The following TEX9 variants were observed in gnomAD, a reference collection of about 807,000 sequenced individuals.
The protein encoded by TEX9 is testis-expressed protein 9.
A neutral mutation model predicts 59.6 loss-of-function variants in TEX9; 74 were observed. That is an observed-to-expected ratio of 1.24 (90% confidence interval 1.03 to 1.51). The LOEUF is 1.51. TEX9 is among the 40% of genes most tolerant of loss of function. The pLI is 0.00. For missense variants in TEX9, 522 were observed against 447.8 expected, an observed-to-expected ratio of 1.17 and a Z score of -1.49; for synonymous variants, 186 against 152.2, an observed-to-expected ratio of 1.22 and a Z score of -1.64.
At chr15:56,311,625 G>C (rs1399799966) in intron 1 of TEX9, among the ~76,000 whole-genome samples, 2 of 148,696 alleles carry the variant, frequency 1.3e-5, no homozygotes, top group East Asian at 3.9e-4. Context: ...TGTCTTTATA[G>C]CAGCATGATT....
chr15:56,320,406 G>C (rs879591742), intron 1 of TEX9, among the ~76,000 whole-genome samples: 1 of 152,182 alleles, frequency 6.6e-6, no homozygotes, highest in Non-Finnish European at 1.5e-5. Context: ...TCTGGTAAGG[G>C]CTCTCTTCCT....
intron 2 of TEX9, among the ~76,000 whole-genome samples, chr15:56,371,496 C>G (rs1368540829): frequency 6.6e-6 from 1 of 151,494 alleles, no homozygotes; most frequent in Non-Finnish European, 1.5e-5. Context: ...ATTTTAAAAT[C>G]TTTTTTTAAT....
intron 1 of TEX9, among the ~76,000 whole-genome samples, chr15:56,285,989 G>A (rs796097600): frequency 1.9e-4 from 29 of 152,212 alleles, no homozygotes; most frequent in African/African-American, 6.3e-4. Context: ...TGCAAGATAG[G>A]CCATTGGATT....
intron 1 of TEX9, among the ~76,000 whole-genome samples, chr15:56,277,957 C>T (rs543344108): frequency 1.3e-5 from 2 of 152,032 alleles, no homozygotes; most frequent in Non-Finnish European, 2.9e-5. Flanking sequence ...AACACTATTT[C>T]GTTTTTTTTT....
exon 11 of TEX9, chr15:56,427,676 A>C (rs2140291274): frequency 6.5e-7 from 1 of 1,542,764 alleles, no homozygotes; most frequent in East Asian, 2.4e-5. Context: ...AAAAACAAAA[A>C]GGAGAATTAA....
At chr15:56,404,786 G>A (rs1370724791) in intron 9 of TEX9, among the ~76,000 whole-genome samples, 4 of 152,092 alleles carry the variant, frequency 2.6e-5, no homozygotes, top group East Asian at 1.9e-4. Context: ...TATATACCAC[G>A]GAATACTCTG....
intron 1 of TEX9, among the ~76,000 whole-genome samples, chr15:56,308,533 C>G (rs1404181429): frequency 2.6e-5 from 4 of 151,970 alleles, no homozygotes; most frequent in Non-Finnish European, 4.4e-5. Context: ...TGATGATGTC[C>G]TTTGAAACAC....
rs747435082 is a variant in TEX9 at position 56,365,478 on chromosome 15, G to A, written c.27+1G>A. ...GGCGGGGCGAAGTCTGTGTCTCACG[G>A]TCAGTTCAACTCCAGGCTCCTGGGG... On this transcript the variant is annotated splice_donor_variant, in intron 1 of 12. Coordinates refer to ENST00000352903, the Ensembl canonical transcript of TEX9. LOFTEE classifies it high-confidence loss of function. 1 of 1,614,014 alleles carries A rather than the reference G, an allele frequency of 6.2e-7. No homozygotes were observed. Among genetic ancestry groups the A allele is most frequent in the East Asian group, 2.2e-5 (1 of 44,882 alleles).
intron 1 of TEX9, among the ~76,000 whole-genome samples, chr15:56,281,428 C>T (rs1238537294): frequency 6.6e-6 from 1 of 152,216 alleles, no homozygotes; most frequent in Admixed American, 6.5e-5. Flanking sequence ...ATTAGATTCT[C>T]AAAGGAGCCC....
At chr15:56,365,601 C>A in exon 2 of TEX9, 1 of 1,614,184 alleles carries the variant, frequency 6.2e-7, no homozygotes, top group Non-Finnish European at 8.5e-7. Context: ...CCAGGGACTC[C>A]GTTCCCGCCA....
Position 56,419,207 on chromosome 15 carries a change from G to A in TEX9, c.963+6771G>A, listed in dbSNP as rs372186545. Among the ~76,000 whole-genome samples the A allele has an allele frequency of 1.1e-4, 16 of 151,676 alleles. No homozygotes were observed. In the East Asian group the frequency reaches 3.1e-3, roughly 29 times the overall value. On this transcript the variant is annotated intron_variant, in intron 10 of 12. Transcript: ENST00000352903. ...GTTTCCCATTGTTTGTTGCTATAAT[G>A]GAGAAATACAATTTATGTTTGCATA...
intron 12 of TEX9, chr15:56,434,239 C>G (rs1481404562): frequency 1.2e-6 from 2 of 1,613,836 alleles, no homozygotes. Context: ...TTCATTAATT[C>G]TATTCGATCA....
At chr15:56,372,315 C>T (rs2047225442) in intron 2 of TEX9, among the ~76,000 whole-genome samples, 1 of 151,988 alleles carries the variant, frequency 6.6e-6, no homozygotes, top group African/African-American at 2.4e-5. Context: ...TACTAATCTC[C>T]CCCCCTTTTT....
chr15:56,253,541 A>C (rs1457860184), intron 1 of TEX9, among the ~76,000 whole-genome samples: 3 of 152,138 alleles, frequency 2.0e-5, no homozygotes, highest in African/African-American at 7.2e-5. Flanking sequence ...AGGGACTCAA[A>C]ACCCCAAATA....
intron 1 of TEX9, among the ~76,000 whole-genome samples, chr15:56,268,042 C>T (rs1006412618): frequency 5.3e-5 from 8 of 152,130 alleles, no homozygotes; most frequent in Admixed American, 5.2e-4. Flanking sequence ...TCCTTCACAT[C>T]CCTTGTAAGT....
intron 1 of TEX9, among the ~76,000 whole-genome samples, chr15:56,300,163 A>G (rs1309682808): frequency 9.2e-5 from 14 of 152,010 alleles, no homozygotes; most frequent in Non-Finnish European, 1.5e-5. Flanking sequence ...GAGATCTAGG[A>G]CTGGCAGCAT....
intron 12 of TEX9, among the ~76,000 whole-genome samples, chr15:56,443,175 G>T (rs755856898): frequency 6.6e-6 from 1 of 152,106 alleles, no homozygotes; most frequent in Non-Finnish European, 1.5e-5. Flanking sequence ...TGCTTTTAAA[G>T]TATGTATCTT....
chr15:56,279,897 T>G (rs2044774208), intron 1 of TEX9, among the ~76,000 whole-genome samples: 1 of 152,204 alleles, frequency 6.6e-6, no homozygotes, highest in Non-Finnish European at 1.5e-5. Context: ...ACTTACAAGT[T>G]TTCAACTGTA....
chr15:56,260,136 G>A (rs1043202824), intron 1 of TEX9, among the ~76,000 whole-genome samples: 2 of 151,968 alleles, frequency 1.3e-5, no homozygotes, highest in African/African-American at 2.4e-5. Flanking sequence ...TTCTAATTGT[G>A]TATATATTAT....
Sources: allele counts gnomAD v4.1 joint callset (sites outside exome capture counted in the v4.1 genomes callset), GRCh38; gene constraint gnomAD v4.1.1; transcripts MANE v1.5; gene names NCBI Gene and HGNC (gene_info 2026-07-23, HGNC 2026-07-21).